SLC13A1: variants seen among roughly 807,000 people sequenced by gnomAD.
SLC13A1 encodes the protein solute carrier family 13 member 1.
In SLC13A1, 65 loss-of-function variants were observed where a neutral mutation model predicts 70.0. The observed-to-expected ratio is 0.93, with a 90% CI of 0.76 to 1.14. The LOEUF (loss-of-function observed/expected upper bound fraction) is 1.14, where lower values mean the gene tolerates loss of function less well. Ranked by LOEUF, SLC13A1 falls within the 50% of genes most tolerant of loss-of-function variation. SLC13A1 has a pLI of 0.00. For missense variants in SLC13A1, 726 were observed against 717.8 expected (o/e 1.01, Z -0.13); for synonymous variants, 275 against 250.5 (o/e 1.10, Z -0.92).
chr7:123,122,850 A>G (rs1274905333), intron 12 of SLC13A1, among the ~76,000 whole-genome samples: 2 of 152,142 alleles, frequency 1.3e-5, no homozygotes, highest in African/African-American at 4.8e-5. Context: ...CTAGCCTTCT[A>G]ATACTATTTC....
chr7:123,166,283 T>G (rs909153820), intron 6 of SLC13A1, among the ~76,000 whole-genome samples: 4 of 152,110 alleles, frequency 2.6e-5, no homozygotes, highest in Admixed American at 1.3e-4. Context: ...CTTTAGGCCT[T>G]ATGATAGAAA....
In SLC13A1 at chr7:123,114,756, A is replaced by C. The variant is rs746470973; in HGVS notation, c.*762T>G. On this transcript the variant is annotated 3_prime_UTR_variant, in exon 15 of 15. Transcript: ENST00000194130. ...CTAACTATACTGTACTAATAGTGCA[A>C]ATCATAGCAAGCCTTATCCATAGCT... 5.9e-5 allele frequency: 9 copies of C among 152,292 alleles called. No individual in the cohort carries two copies. Among genetic ancestry groups the C allele is most frequent in the Middle Eastern group, 3.4e-3 (1 of 294 alleles). The allele number at this position is 152,292 out of a possible 1,614,324, so 9.4% of individuals were successfully genotyped here.
rs765486690 is a variant in SLC13A1 at position 123,147,305 on chromosome 7, T to G, written c.666A>C (p.Ser222=). Residue 222 remains serine (S), a synonymous_variant, in exon 7 of 15, where the codon TCA becomes TCC. Transcript: ENST00000194130. ...ISSKVELEKN[S]GMRTKYRTKK... Reference sequence around the variant, plus strand: ...TTGTTCGATATTTGGTTCTCATGCCTGAGTTCTGTTCAACAACAACAAAAA... The same window carrying G: ...TTGTTCGATATTTGGTTCTCATGCCGGAGTTCTGTTCAACAACAACAAAAA... 1 of 1,613,230 alleles carries G rather than the reference T, an allele frequency of 6.2e-7. No individual in the cohort carries two copies. Among genetic ancestry groups the G allele is most frequent in the South Asian group, 1.1e-5 (1 of 90,992 alleles).
At chr7:123,161,719 G>A (rs542910554) in intron 6 of SLC13A1, among the ~76,000 whole-genome samples, 35 of 152,144 alleles carry the variant, frequency 2.3e-4, no homozygotes, top group Admixed American at 1.6e-3. Flanking sequence ...TTTGGTCTTT[G>A]CTGTGGCGAC....
chr7:123,196,591 TA>T (rs1796192315), intron 1 of SLC13A1, among the ~76,000 whole-genome samples: 2 of 151,974 alleles, frequency 1.3e-5, no homozygotes, highest in African/African-American at 4.8e-5. Context: ...CTGACCAGCT[TA>T]AAAAACTGGG....
At chr7:123,162,128 TG>T (rs759350084) in intron 6 of SLC13A1, among the ~76,000 whole-genome samples, 15 of 151,688 alleles carry the variant, frequency 9.9e-5, no homozygotes, top group African/African-American at 3.6e-4. Flanking sequence ...CTATGTAGTG[TG>T]GGGGGCTTAT....
In SLC13A1 at chr7:123,114,764, C is replaced by G. The variant is rs1009781473; in HGVS notation, c.*754G>C. 6.6e-6 allele frequency: 1 copy of G among 152,138 alleles called. No homozygotes were observed. Among genetic ancestry groups the G allele is most frequent in the Non-Finnish European group, 1.5e-5 (1 of 68,012 alleles). The allele number at this position is 152,138 out of a possible 1,614,324, so 9.4% of individuals were successfully genotyped here. On this transcript the variant is annotated 3_prime_UTR_variant, in exon 15 of 15. Transcript: ENST00000194130. ...ACTGTACTAATAGTGCAAATCATAG[C>G]AAGCCTTATCCATAGCTCTACAAAA...
chr7:123,157,839 T>C (rs1794763302), intron 6 of SLC13A1, among the ~76,000 whole-genome samples: 2 of 152,000 alleles, frequency 1.3e-5, no homozygotes, highest in African/African-American at 4.8e-5. Flanking sequence ...AAGATATTGC[T>C]CCAGGCCAAA....
At chr7:123,169,552 T>C (rs1795195140) in intron 3 of SLC13A1, among the ~76,000 whole-genome samples, 1 of 152,130 alleles carries the variant, frequency 6.6e-6, no homozygotes, top group Non-Finnish European at 1.5e-5. Context: ...TCTTAAGAGA[T>C]TTGTCTCCCA....
chr7:123,173,792 T>C (rs565594924), intron 2 of SLC13A1, among the ~76,000 whole-genome samples: 2 of 152,212 alleles, frequency 1.3e-5, no homozygotes, highest in South Asian at 2.1e-4. Context: ...GCTTGGTAAA[T>C]AGAATTGAAA....
At chr7:123,130,591 G>C (rs1413886800) in intron 8 of SLC13A1, among the ~76,000 whole-genome samples, 7 of 152,100 alleles carry the variant, frequency 4.6e-5, no homozygotes, top group Admixed American at 2.6e-4. Context: ...AGAGCATCAA[G>C]ATAAACAGGT....
chr7:123,168,898 G>A (rs904755177), intron 4 of SLC13A1, among the ~76,000 whole-genome samples: 1 of 152,164 alleles, frequency 6.6e-6, no homozygotes, highest in African/African-American at 2.4e-5. Context: ...ACATGAGAGA[G>A]TGTTCCATCA....
At chr7:123,132,627 TC>T (rs1324624981) in intron 8 of SLC13A1, among the ~76,000 whole-genome samples, 1 of 152,118 alleles carries the variant, frequency 6.6e-6, no homozygotes, top group African/African-American at 2.4e-5. Flanking sequence ...TCCCCTGGCC[TC>T]CCAAAGCATT....
At chr7:123,169,117 A>G in intron 4 of SLC13A1, 31 bp downstream of exon 4, 1 of 1,604,152 alleles carries the variant, frequency 6.2e-7, no homozygotes, top group Non-Finnish European at 8.5e-7. Flanking sequence ...TAATGACTAG[A>G]CCCCAGATTG....
At chr7:123,126,244 C>T (rs1293155863) in intron 10 of SLC13A1, among the ~76,000 whole-genome samples, 6 of 152,164 alleles carry the variant, frequency 3.9e-5, no homozygotes, top group Non-Finnish European at 8.8e-5. Flanking sequence ...AAGCAACCTA[C>T]TTAATTTTTT....
At chr7:123,168,691 C>G (rs28364234) in intron 4 of SLC13A1, 130 bp from the exon 5 acceptor site, 2 of 642,090 alleles carry the variant, frequency 3.1e-6, no homozygotes, top group Admixed American at 6.1e-5. Context: ...ACTAACATAA[C>G]AGTCATCTTA....
Position 123,171,757 on chromosome 7 carries a change from G to A in SLC13A1, c.365+11C>T, listed in dbSNP as rs1451556198. On this transcript the variant is annotated intron_variant, in intron 3 of 14. Transcript: ENST00000194130. ...AGCAGGTAAACTGGAAGCAGTAAAT[G>A]CAGTACTTACCATGCAGGATTTACA... The A allele has an allele frequency of 3.7e-6, 6 of 1,613,326 alleles. No homozygotes were observed. Among genetic ancestry groups the A allele is most frequent in the African/African-American group, 1.3e-5 (1 of 75,004 alleles).
intron 6 of SLC13A1, among the ~76,000 whole-genome samples, chr7:123,150,201 C>T (rs1033488633): frequency 7.2e-5 from 11 of 152,134 alleles, no homozygotes; most frequent in Non-Finnish European, 1.0e-4. Context: ...TATCTCTATA[C>T]GTCCCTCTTA....
intron 2 of SLC13A1, among the ~76,000 whole-genome samples, chr7:123,176,765 C>G (rs928702388): frequency 2.0e-5 from 3 of 152,140 alleles, no homozygotes; most frequent in African/African-American, 7.2e-5. Context: ...CACTTGGATT[C>G]CAAGATCCCA....
Sources: allele counts gnomAD v4.1 joint callset (sites outside exome capture counted in the v4.1 genomes callset), GRCh38; gene constraint gnomAD v4.1.1; transcripts MANE v1.5; gene names NCBI Gene and HGNC (gene_info 2026-07-23, HGNC 2026-07-21).